ELOA: variants seen among roughly 807,000 people sequenced by gnomAD.
ELOA encodes the protein elongin-A.
In ELOA, 15 loss-of-function variants were observed where a neutral mutation model predicts 85.2. The ratio of observed to expected loss-of-function variants is 0.18; its 90% CI spans 0.12 to 0.27. The LOEUF (loss-of-function observed/expected upper bound fraction) is 0.27, where lower values mean the gene tolerates loss of function less well. ELOA is among the 10% of genes least tolerant of loss of function. The pLI is 1.00. For synonymous variants in ELOA, 348 were observed against 357.2 expected (o/e 0.97, Z 0.29); for missense variants, 769 against 952.7 (o/e 0.81, Z 2.54).
chr1:23,753,355 C>G (rs1644780740), intron 5 of ELOA, among the ~76,000 whole-genome samples: 1 of 152,098 alleles, frequency 6.6e-6, no homozygotes, highest in African/African-American at 2.4e-5. Flanking sequence ...CCATAGGGCT[C>G]AGTTTAATGA....
intron 1 of ELOA, among the ~76,000 whole-genome samples, chr1:23,748,310 C>T (rs1021967524): frequency 3.3e-5 from 5 of 150,514 alleles, no homozygotes. Context: ...CAAGATCACT[C>T]ATCGAGTGAC....
chr1:23,756,470 G>A, intron 9 of ELOA, 85 bp downstream of exon 9: 1 of 1,234,800 alleles, frequency 8.1e-7, no homozygotes, highest in South Asian at 1.3e-5. Context: ...TGCTTTTGGT[G>A]AAAGTGAGGC....
chr1:23,744,601 C>A (rs932933579), intron 1 of ELOA, among the ~76,000 whole-genome samples: 1 of 152,014 alleles, frequency 6.6e-6, no homozygotes, highest in African/African-American at 2.4e-5. Context: ...TGTAGGCGCC[C>A]GCCACCACGC....
At chr1:23,758,022 C>CA (rs542331691) in intron 10 of ELOA, among the ~76,000 whole-genome samples, 33 of 151,874 alleles carry the variant, frequency 2.2e-4, no homozygotes, top group African/African-American at 8.0e-4. Context: ...GCCTGGATGA[C>CA]AGAGTGAGAC....
chr1:23,755,758 C>T (rs1371225073), intron 7 of ELOA, 85 bp from the exon 8 acceptor site: 13 of 1,390,726 alleles, frequency 9.3e-6, no homozygotes, highest in East Asian at 4.8e-5. Flanking sequence ...GCAGTCTACA[C>T]GACAGAGCAA....
At chr1:23,752,907 C>T (rs1338393365) in intron 5 of ELOA, among the ~76,000 whole-genome samples, 2 of 152,038 alleles carry the variant, frequency 1.3e-5, no homozygotes. Flanking sequence ...TACGCCATTG[C>T]ACTCAAGCCT....
Position 23,751,376 on chromosome 1 carries a change from C to A in ELOA, c.771C>A (p.Ala257=). 3 of 1,614,158 alleles carry A rather than the reference C, an allele frequency of 1.9e-6. No individual in the cohort carries two copies. Among genetic ancestry groups the A allele is most frequent in the Non-Finnish European group, 1.7e-6 (2 of 1,180,042 alleles). The change falls in exon 4 of 11, where the codon GCC becomes GCA. Residue 257 remains alanine (A), a synonymous_variant. Coordinates refer to ENST00000613537, the MANE Select transcript of ELOA (RefSeq NM_003198.3). ...ACAAGGACAAACGCCCCGTGGATGC[C>A]AAGAGTGATGAGAAGGCCTCTGTGG... The part of the protein sequence containing the change: ...SSHKDKRPVD[A]KSDEKASVVS...
rs371689327 is a variant in ELOA, at chr1:23,760,467, T to C, written c.*894T>C. ...CTATCTTTCCTTCCCCTCAACACCA[T>C]GAAGGAAAAACACACACGGCAGGGC... On this transcript the variant is annotated 3_prime_UTR_variant, in exon 11 of 11. Coordinates refer to ENST00000613537, the MANE Select transcript of ELOA (RefSeq NM_003198.3). The C allele has an allele frequency of 6.6e-6, 1 of 152,094 alleles. No individual in the cohort carries two copies. The highest frequency in any genetic ancestry group is 1.5e-5 in the Non-Finnish European group (1 of 68,012). 9.4% of individuals were successfully genotyped at this position (152,094 alleles called of 1,614,324 possible). A position where few individuals can be genotyped will look rare whatever the true frequency, so the allele number is the denominator to read the frequency against.
At chr1:23,752,991 T>C (rs555569093) in intron 5 of ELOA, among the ~76,000 whole-genome samples, 4 of 152,020 alleles carry the variant, frequency 2.6e-5, no homozygotes, top group Non-Finnish European at 4.4e-5. Flanking sequence ...CAAGATGCTG[T>C]CTCTACAAGA....
chr1:23,754,327 T>C (rs751993612), intron 6 of ELOA, 36 bp from the exon 7 acceptor site: 15 of 1,613,934 alleles, frequency 9.3e-6, no homozygotes, highest in Non-Finnish European at 1.1e-5. Context: ...GTGGCTTGGC[T>C]GCTACTCAGT....
chr1:23,758,434 C>T (rs1354676641), intron 10 of ELOA, among the ~76,000 whole-genome samples: 4 of 149,342 alleles, frequency 2.7e-5, no homozygotes, highest in South Asian at 2.2e-4. Flanking sequence ...CCACTAAGCC[C>T]AGCTAATTTT....
chr1:23,759,122 T>C (rs1638253599), intron 10 of ELOA, among the ~76,000 whole-genome samples: 1 of 152,208 alleles, frequency 6.6e-6, no homozygotes, highest in Non-Finnish European at 1.5e-5. Flanking sequence ...AGGTAGAGGC[T>C]ACAGTGTGCT....
rs2235541 is a variant in ELOA, at chr1:23,750,961, C to T, written c.356C>T (p.Thr119Met). Residue 119 changes from threonine (T) to methionine (M), a missense_variant, in exon 4 of 11, where the codon ACG becomes ATG. Around this residue, in one of 4 missense-constraint regions of ELOA, gnomAD observed 440 missense variants for 474.0 expected, o/e 0.93. Coordinates refer to ENST00000613537, the MANE Select transcript of ELOA (RefSeq NM_003198.3). ...GACTACCAAGAAACCTGGAAAGCCACGGGGAGCCGATCCTATAGCCCTGAC... is the reference window on the plus strand; with the variant it reads ...GACTACCAAGAAACCTGGAAAGCCATGGGGAGCCGATCCTATAGCCCTGAC... Reference protein sequence around the residue: ...EGDYQETWKATGSRSYSPDHR... With the variant: ...EGDYQETWKAMGSRSYSPDHR... 145,286 of 1,613,794 alleles carry T rather than the reference C, an allele frequency of 0.09. 7,216 individuals are homozygous for T. Among genetic ancestry groups the T allele is most frequent in the South Asian group, 0.15 (13,246 of 91,040 alleles).
In ELOA at chr1:23,761,322, T is replaced by A. The variant is rs1324194438; in HGVS notation, c.*1749T>A. On this transcript the variant is annotated 3_prime_UTR_variant, in exon 11 of 11. Transcript: ENST00000613537. The stretch of plus-strand genomic sequence containing the variant: ...TCTTAACTGAAACCAAATGAACATT[T>A]GGGTCAGGTGCCAGATGTCTGCTGC... The A allele has an allele frequency of 6.6e-6, 1 of 152,188 alleles. No homozygotes were observed. The highest frequency in any genetic ancestry group is 2.1e-4 in the South Asian group (1 of 4,830). 9.4% of individuals were successfully genotyped at this position (152,188 alleles called of 1,614,324 possible). A position where few individuals can be genotyped will look rare whatever the true frequency, so the allele number is the denominator to read the frequency against.
rs1470618593 is a variant in ELOA, at chr1:23,757,054, C to T, written c.2186C>T (p.Thr729Ile). 1 of 1,610,896 alleles carries T rather than the reference C, an allele frequency of 6.2e-7. No homozygotes were observed. The highest frequency in any genetic ancestry group is 8.5e-7 in the Non-Finnish European group (1 of 1,179,046). ...PEEPAYDGPS[T>I]SSAHLAPVVS... Reference sequence around the variant, plus strand: ...GAGCCGGCCTATGATGGCCCAAGCACCAGCAGTGCCCACTTGGCACCAGTG... The same window carrying T: ...GAGCCGGCCTATGATGGCCCAAGCATCAGCAGTGCCCACTTGGCACCAGTG... Residue 729 changes from threonine to isoleucine, a missense_variant, in exon 10 of 11, where the codon ACC (threonine) becomes ATC (isoleucine). Around this residue, in one of 4 missense-constraint regions of ELOA, gnomAD observed 116 missense variants for 141.0 expected, o/e 0.82. Coordinates refer to ENST00000613537, the MANE Select transcript of ELOA (RefSeq NM_003198.3).
chr1:23,751,814 A>C lies in ELOA; in HGVS notation c.1209A>C (p.Pro403=). 1 of 1,614,218 alleles carries C rather than the reference A, an allele frequency of 6.2e-7. No homozygotes were observed. The highest frequency in any genetic ancestry group is 8.5e-7 in the Non-Finnish European group (1 of 1,180,050). ...ATATGGAGGATGAATTCGAGCAGCC[A>C]ACCATGTCTTTTGAATCCTACCTCA... ...ETDMEDEFEQ[P]TMSFESYLSY... Residue 403 remains proline, a synonymous_variant, in exon 4 of 11, where the codon CCA becomes CCC. Coordinates refer to ENST00000613537, the MANE Select transcript of ELOA (RefSeq NM_003198.3).
In ELOA at chr1:23,751,453, C is replaced by T. The variant is rs139059717; in HGVS notation, c.848C>T (p.Pro283Leu). ...KALSKEENRR[P>L]PSGDNAREKP... ...CTCTCCAAAGAGGAGAACCGAAGGC[C>T]ACCCTCAGGGGACAATGCAAGGGAG... The change falls in exon 4 of 11, where the codon CCA becomes CTA. Residue 283 changes from proline (P) to leucine (L), a missense_variant. Pro to Leu is a moderately conservative substitution (Grantham distance 98). Transcript: ENST00000613537. 5.0e-4 allele frequency: 814 copies of T among 1,614,050 alleles called. 4 individuals are homozygous for T. Among genetic ancestry groups the T allele is most frequent in the Middle Eastern group, 2.8e-3 (17 of 6,062 alleles).
chr1:23,756,247 C>T, intron 8 of ELOA, 27 bp from the exon 9 acceptor site: 1 of 1,531,938 alleles, frequency 6.5e-7, no homozygotes, highest in Non-Finnish European at 8.8e-7. Flanking sequence ...CTCAAGAAGG[C>T]AGATGTTCAT....
rs752796990 is a variant in ELOA at position 23,751,673 on chromosome 1, C to A, written c.1068C>A (p.Asp356Glu). ...DSFDTGKGAG[D>E]LLPKVKEKGS... ...TTGACACAGGAAAAGGAGCAGGAGACCTGTTGCCCAAGGTAAAAGAGAAGG... is the reference window on the plus strand; with the variant it reads ...TTGACACAGGAAAAGGAGCAGGAGAACTGTTGCCCAAGGTAAAAGAGAAGG... Residue 356 changes from aspartate (D) to glutamate (E), a missense_variant, in exon 4 of 11, where the codon GAC becomes GAA. Around this residue, in one of 4 missense-constraint regions of ELOA, gnomAD observed 440 missense variants for 474.0 expected, o/e 0.93. Transcript: ENST00000613537. The A allele has an allele frequency of 2.5e-6, 4 of 1,614,032 alleles. No individual in the cohort carries two copies. In the African/African-American group the frequency reaches 5.3e-5, roughly 22 times the overall value.
Sources: gnomAD v4.1 joint callset for allele counts (sites outside exome capture counted in the v4.1 genomes callset) on GRCh38, gnomAD v4.1.1 for gene constraint, gnomAD v4.1.1 regional missense constraint, MANE v1.5 for transcripts, NCBI Gene and HGNC (gene_info 2026-07-23, HGNC 2026-07-21) for gene names.